CDC42: variants seen among roughly 807,000 people sequenced by gnomAD.
CDC42 encodes the protein cell division cycle 42.
Under a neutral mutation model 20.8 loss-of-function variants are expected in CDC42, and 1 was observed. The ratio of observed to expected loss-of-function variants is 0.05; its 90% CI spans 0.02 to 0.23. The LOEUF (loss-of-function observed/expected upper bound fraction) is 0.23. Ranked by LOEUF, CDC42 falls within the 10% of genes least tolerant of loss-of-function variation. The probability of loss-of-function intolerance (pLI) is 1.00; values close to 1 mark genes in which losing one functional copy is unlikely to be tolerated. For missense variants in CDC42, 49 were observed against 227.9 expected, an observed-to-expected ratio of 0.21 and a Z score of 5.05; for synonymous variants, 72 against 84.8, an observed-to-expected ratio of 0.85 and a Z score of 0.83.
intron 2 of CDC42, 138 bp from the exon 3 acceptor site, chr1:22,081,584 T>C (rs1306124417): frequency 5.0e-6 from 3 of 596,804 alleles, no homozygotes; most frequent in African/African-American, 3.7e-5. Context: ...GTTGGCAAGA[T>C]TGGTTATATA....
chr1:22,055,490 A>ATT (rs35959719), intron 1 of CDC42, among the ~76,000 whole-genome samples: 1,565 of 137,486 alleles, frequency 0.011, 11 homozygotes, highest in Non-Finnish European at 0.016. Flanking sequence ...AAAATTGGTG[A>ATT]TTTTTTTTTT....
At chr1:22,053,506 G>A (rs1283372640) in intron 1 of CDC42, 1 of 152,216 alleles carries the variant, frequency 6.6e-6, no homozygotes, top group Admixed American at 6.5e-5. Context: ...TCCCTTTCGG[G>A]GAGTTACCTA....
At chr1:22,086,391 A>G in intron 3 of CDC42, 48 bp from the exon 4 acceptor site, 1 of 1,278,912 alleles carries the variant, frequency 7.8e-7, no homozygotes, top group Non-Finnish European at 1.1e-6. Flanking sequence ...CTTTGAGGAC[A>G]CCAAGATTCA....
intron 1 of CDC42, chr1:22,059,676 T>TG (rs1645341780): frequency 6.6e-6 from 1 of 152,332 alleles, no homozygotes; most frequent in Non-Finnish European, 1.5e-5. Context: ...CCCAAGTAGC[T>TG]GGGATTACAG....
chr1:22,054,921 A>ATATT (rs1645285768), intron 1 of CDC42, among the ~76,000 whole-genome samples: 6 of 19,386 alleles, frequency 3.1e-4, no homozygotes, highest in African/African-American at 1.0e-3. Flanking sequence ...ATATATATAT[A>ATATT]TTTTTTTTTT....
chr1:22,081,860 G>A, intron 3 of CDC42, 66 bp downstream of exon 3: 1 of 1,016,084 alleles, frequency 9.8e-7, no homozygotes. Flanking sequence ...GTCTCTTGTG[G>A]ACATTTTGAG....
intron 1 of CDC42, among the ~76,000 whole-genome samples, chr1:22,070,283 TTA>T (rs1266760410): frequency 6.6e-6 from 1 of 152,118 alleles, no homozygotes; most frequent in Non-Finnish European, 1.5e-5. Flanking sequence ...TCAGTGTACT[TTA>T]TGTTCTTAGC....
At chr1:22,056,981 A>AGG (rs1645310498) in intron 1 of CDC42, among the ~76,000 whole-genome samples, 1 of 152,206 alleles carries the variant, frequency 6.6e-6, no homozygotes, top group Non-Finnish European at 1.5e-5. Context: ...AGCCATTGCC[A>AGG]TTTGCCATTT....
chr1:22,054,344 T>A (rs1193415060), intron 1 of CDC42, among the ~76,000 whole-genome samples: 2 of 151,908 alleles, frequency 1.3e-5, no homozygotes, highest in Non-Finnish European at 2.9e-5. Context: ...GCCTCCCGAG[T>A]AGCTGGTACT....
intron 5 of CDC42, 53 bp from the exon 6 acceptor site, chr1:22,091,375 C>A: frequency 8.5e-7 from 1 of 1,178,126 alleles, no homozygotes; most frequent in Non-Finnish European, 1.2e-6. Flanking sequence ...TGAACTCCAA[C>A]TTTATTATAC....
At chr1:22,086,925 G>A in intron 5 of CDC42, 59 bp downstream of exon 5, 1 of 1,372,538 alleles carries the variant, frequency 7.3e-7, no homozygotes, top group Middle Eastern at 1.8e-4. Flanking sequence ...TAGAGCATTA[G>A]GATACAGGAG....
At chr1:22,085,549 A>T (rs1354992272) in intron 3 of CDC42, among the ~76,000 whole-genome samples, 2 of 152,174 alleles carry the variant, frequency 1.3e-5, no homozygotes, top group Non-Finnish European at 2.9e-5. Context: ...CAGTTCATGA[A>T]TGTGGGATGT....
At chr1:22,078,290 G>A in intron 1 of CDC42, 139 bp from the exon 2 acceptor site, 1 of 459,044 alleles carries the variant, frequency 2.2e-6, no homozygotes, top group Admixed American at 3.8e-5. Context: ...GCAAGTCATT[G>A]TGTCTCTTAT....
At chr1:22,071,046 CT>C (rs10684040) in intron 1 of CDC42, among the ~76,000 whole-genome samples, 10 of 125,302 alleles carry the variant, frequency 8.0e-5, no homozygotes, top group Non-Finnish European at 6.4e-5. Context: ...TTTTTTCTTT[CT>C]TTTTTTTTTT....
At chr1:22,086,032 G>C (rs1164281134) in intron 3 of CDC42, among the ~76,000 whole-genome samples, 1 of 152,174 alleles carries the variant, frequency 6.6e-6, no homozygotes. Context: ...TTTTAGTAGA[G>C]ATGAGGCTTC....
intron 3 of CDC42, among the ~76,000 whole-genome samples, chr1:22,084,142 C>T (rs1269135446): frequency 6.6e-6 from 1 of 152,120 alleles, no homozygotes; most frequent in Non-Finnish European, 1.5e-5. Context: ...CATGGGTATA[C>T]AGATACCTTG....
chr1:22,073,141 G>C (rs908334820), intron 1 of CDC42, among the ~76,000 whole-genome samples: 1 of 152,256 alleles, frequency 6.6e-6, no homozygotes, highest in South Asian at 2.1e-4. Context: ...ATACCATAGA[G>C]AGGGTTCCAT....
chr1:22,059,636 C>A (rs1215000944), intron 1 of CDC42: 1 of 152,082 alleles, frequency 6.6e-6, no homozygotes, highest in African/African-American at 2.4e-5. Context: ...CCTTGCCTCC[C>A]AGGTTCAAGC....
intron 1 of CDC42, among the ~76,000 whole-genome samples, chr1:22,073,848 A>G (rs1645519447): frequency 6.6e-6 from 1 of 150,636 alleles, no homozygotes; most frequent in African/African-American, 2.4e-5. Context: ...ATGGGGTCTC[A>G]CTCTGTTTCC....
Sources: allele counts gnomAD v4.1 joint callset (sites outside exome capture counted in the v4.1 genomes callset), GRCh38; gene constraint gnomAD v4.1.1; transcripts MANE v1.5; gene names NCBI Gene and HGNC (gene_info 2026-07-23, HGNC 2026-07-21).